TRPM3: variants seen among roughly 807,000 people sequenced by gnomAD.
TRPM3 encodes long transient receptor potential channel 3.
Under a neutral mutation model 181.2 loss-of-function variants are expected in TRPM3, and 77 were observed. That is an observed-to-expected ratio of 0.42 (90% CI 0.35 to 0.51). The LOEUF (loss-of-function observed/expected upper bound fraction) is 0.51, where lower values mean the gene tolerates loss of function less well. Among genes scored for constraint, TRPM3 ranks in the 20% least tolerant of loss-of-function variants. The pLI, the probability that TRPM3 is intolerant of heterozygous loss-of-function variation, is 0.01. For synonymous variants in TRPM3, 745 were observed against 796.4 expected (o/e 0.94, Z 1.09); for missense variants, 1,759 against 2,196.7 (o/e 0.80, Z 3.98).
At chr9:71,074,720 A>T (rs1040343008) in intron 1 of TRPM3, among the ~76,000 whole-genome samples, 3 of 152,190 alleles carry the variant, frequency 2.0e-5, no homozygotes, top group African/African-American at 7.2e-5. Context: ...GAAATATTAC[A>T]TAGTACATTC....
At chr9:70,991,171 C>T (rs889366385) in intron 1 of TRPM3, among the ~76,000 whole-genome samples, 2 of 152,166 alleles carry the variant, frequency 1.3e-5, no homozygotes, top group African/African-American at 4.8e-5. Flanking sequence ...AGAGAAGGGG[C>T]TCTTAACCTA....
intron 1 of TRPM3, among the ~76,000 whole-genome samples, chr9:71,361,356 G>GA: frequency 6.6e-6 from 1 of 152,228 alleles, no homozygotes; most frequent in East Asian, 1.9e-4. Context: ...CATAGCGTAA[G>GA]AAAAAATTAA....
At chr9:71,069,757 C>T (rs1390685622) in intron 1 of TRPM3, among the ~76,000 whole-genome samples, 2 of 151,992 alleles carry the variant, frequency 1.3e-5, no homozygotes, top group Non-Finnish European at 2.9e-5. Context: ...TACAGGTACA[C>T]ACCACCACAC....
At chr9:71,398,877 A>C (rs554838032) in intron 1 of TRPM3, among the ~76,000 whole-genome samples, 1 of 152,300 alleles carries the variant, frequency 6.6e-6, no homozygotes, top group East Asian at 1.9e-4. Context: ...GTACATAAAT[A>C]TTGAAAAATA....
chr9:71,142,094 G>A (rs2075137979), intron 1 of TRPM3, among the ~76,000 whole-genome samples: 1 of 152,146 alleles, frequency 6.6e-6, no homozygotes, highest in Non-Finnish European at 1.5e-5. Flanking sequence ...ACTTTGAAAT[G>A]TTGAATAGGG....
At chr9:71,242,533 T>C (rs1438578783) in intron 1 of TRPM3, among the ~76,000 whole-genome samples, 2 of 152,232 alleles carry the variant, frequency 1.3e-5, no homozygotes, top group Non-Finnish European at 2.9e-5. Flanking sequence ...TTCTATAGTA[T>C]TCAATTAGAA....
chr9:71,327,059 C>T (rs920764051), intron 1 of TRPM3, among the ~76,000 whole-genome samples: 4 of 152,226 alleles, frequency 2.6e-5, no homozygotes, highest in African/African-American at 9.7e-5. Flanking sequence ...AGAAAATCCT[C>T]CTCAGTTTCC....
At chr9:71,080,199 T>TAAATAAAC (rs888279453) in intron 1 of TRPM3, among the ~76,000 whole-genome samples, 5 of 149,260 alleles carry the variant, frequency 3.3e-5, no homozygotes, top group African/African-American at 1.2e-4. Context: ...AATAAATAAA[T>TAAATAAAC]AAATAAATAA....
chr9:70,581,718 G>A (rs926141692), intron 22 of TRPM3, among the ~76,000 whole-genome samples: 1 of 152,176 alleles, frequency 6.6e-6, no homozygotes, highest in Non-Finnish European at 1.5e-5. Context: ...CTTTGGAAAG[G>A]CCATAGTTAC....
chr9:71,417,623 A>G lies in TRPM3; in HGVS notation c.183+29030T>C, dbSNP rs548470390. Among the ~76,000 whole-genome samples the G allele has an allele frequency of 2.0e-5, 3 of 152,190 alleles. No individual in the cohort carries two copies. In the East Asian group the frequency reaches 5.8e-4, roughly 29 times the overall value. On this transcript the variant is annotated intron_variant, in intron 1 of 24. Transcript: ENST00000357533. ...TAAATTAGTAAATAAAAATTCATCC[A>G]GAAAGAATTAATGGAAACATATCTG...
Position 70,536,450 on chromosome 9 carries a change from C to T in TRPM3, c.4663G>A (p.Glu1555Lys). ...ATACAGTCTGTAATACTTGTGTATT[C>T]TGCTGTTTTTACAGGCACCCCAAAG... is the stretch of plus-strand genomic sequence containing the variant. ...ANFGVPVKTA[E>K]YTSITDCIDT... The change falls in exon 26 of 26, where the codon GAA (glutamate) becomes AAA (lysine). Residue 1555 changes from glutamate to lysine, a missense_variant. Transcript: ENST00000677713. The T allele has an allele frequency of 6.2e-7, 1 of 1,614,190 alleles. No homozygotes were observed. Among genetic ancestry groups the T allele is most frequent in the Non-Finnish European group, 8.5e-7 (1 of 1,180,040 alleles).
chr9:71,335,464 ACGC>A (rs2090486724), intron 1 of TRPM3, among the ~76,000 whole-genome samples: 1 of 152,180 alleles, frequency 6.6e-6, no homozygotes, highest in Non-Finnish European at 1.5e-5. Flanking sequence ...AAAATAGAAC[ACGC>A]CCTTATAATC....
chr9:70,786,589 A>G (rs60117313), intron 6 of TRPM3, among the ~76,000 whole-genome samples: 14,499 of 152,296 alleles, frequency 0.095, 770 homozygotes, highest in East Asian at 0.13. Flanking sequence ...TATCCACCCC[A>G]TAGGGATTTG....
intron 1 of TRPM3, among the ~76,000 whole-genome samples, chr9:70,865,165 C>T (rs997171632): frequency 1.3e-5 from 2 of 152,014 alleles, no homozygotes; most frequent in South Asian, 4.1e-4. Context: ...GTGCGCCCCA[C>T]ACGCCCTTCA....
chr9:70,682,234 T>C (rs1198762158), intron 8 of TRPM3, among the ~76,000 whole-genome samples: 1 of 152,168 alleles, frequency 6.6e-6, no homozygotes, highest in Non-Finnish European at 1.5e-5. Context: ...TTTAAAAATA[T>C]GTTACCTTCC....
chr9:70,629,059 C>T lies in TRPM3; in HGVS notation c.1633-3542G>A, dbSNP rs936710329. Among the ~76,000 whole-genome samples, 5 of 151,640 alleles carry T rather than the reference C, an allele frequency of 3.3e-5. No homozygotes were observed. In the East Asian group the frequency reaches 9.7e-4, roughly 29 times the overall value. ...ATAAACATTTAAGGGGCAAATAGAA[C>T]ATTTTTAGAAAATGGCTATATCCAT... On this transcript the variant is annotated intron_variant, in intron 12 of 25. Transcript: ENST00000677713.
At chr9:71,223,884 G>T (rs2080403332) in intron 1 of TRPM3, among the ~76,000 whole-genome samples, 1 of 152,204 alleles carries the variant, frequency 6.6e-6, no homozygotes, top group African/African-American at 2.4e-5. Flanking sequence ...TGGAGGAGCA[G>T]GTAGATTTCT....
chr9:70,775,083 A>G (rs1053383130), intron 7 of TRPM3: 12 of 152,150 alleles, frequency 7.9e-5, no homozygotes, highest in Admixed American at 3.3e-4. Flanking sequence ...CCCAAACATT[A>G]TTTATTATTA....
intron 1 of TRPM3, among the ~76,000 whole-genome samples, chr9:71,127,267 T>C (rs2074094649): frequency 3.1e-5 from 3 of 97,008 alleles, no homozygotes; most frequent in Admixed American, 2.5e-4. Context: ...ATACTCAACA[T>C]AGATTTTAAG....
Sources: gnomAD v4.1 joint callset for allele counts (sites outside exome capture counted in the v4.1 genomes callset) on GRCh38, gnomAD v4.1.1 for gene constraint, MANE v1.5 for transcripts, NCBI Gene and HGNC (gene_info 2026-07-23, HGNC 2026-07-21) for gene names.